LMX1A: variants seen among roughly 807,000 people sequenced by gnomAD.
LMX1A encodes the protein LIM homeobox transcription factor 1-alpha.
In LMX1A, 15 loss-of-function variants were observed where a neutral mutation model predicts 49.1. The observed-to-expected ratio is 0.31, with a 90% confidence interval of 0.20 to 0.47. The LOEUF is 0.47. LMX1A is among the 20% of genes least tolerant of loss of function. The pLI is 1.00. For missense variants in LMX1A, 372 were observed against 475.8 expected, an observed-to-expected ratio of 0.78 and a Z score of 2.03; for synonymous variants, 167 against 185.7, an observed-to-expected ratio of 0.90 and a Z score of 0.82.
chr1:165,352,879 C>T (rs1326583377), intron 3 of LMX1A, among the ~76,000 whole-genome samples, 197 bp downstream of exon 3: 1 of 152,278 alleles, frequency 6.6e-6, no homozygotes, highest in Non-Finnish European at 1.5e-5. Context: ...CGGGCCACTG[C>T]TGCGCGCACC....
At chr1:165,204,326 G>A (rs1274146261) in intron 8 of LMX1A, among the ~76,000 whole-genome samples, 1 of 152,192 alleles carries the variant, frequency 6.6e-6, no homozygotes, top group Non-Finnish European at 1.5e-5. Flanking sequence ...CCAGAGGCTG[G>A]AGAGACAGGG....
At chr1:165,342,089 G>T (rs1656094336) in intron 3 of LMX1A, among the ~76,000 whole-genome samples, 1 of 152,210 alleles carries the variant, frequency 6.6e-6, no homozygotes, top group Non-Finnish European at 1.5e-5. Context: ...TAAAATTTCA[G>T]CAATGGTGAG....
intron 4 of LMX1A, among the ~76,000 whole-genome samples, chr1:165,216,972 G>T (rs1036428264): frequency 7.2e-5 from 11 of 152,114 alleles, no homozygotes; most frequent in African/African-American, 2.7e-4. Context: ...GCACCACCCA[G>T]AAATAATTGG....
chr1:165,231,585 A>T (rs1166264988), intron 4 of LMX1A, among the ~76,000 whole-genome samples: 1 of 152,234 alleles, frequency 6.6e-6, no homozygotes, highest in East Asian at 1.9e-4. Context: ...TTATGTTCAC[A>T]ACTTTATGTT....
intron 3 of LMX1A, among the ~76,000 whole-genome samples, chr1:165,261,888 T>C (rs1210309374): frequency 6.6e-6 from 1 of 152,136 alleles, no homozygotes; most frequent in Non-Finnish European, 1.5e-5. Flanking sequence ...GAGGTACTAT[T>C]TAATGAGCAT....
At chr1:165,316,682 C>T (rs1232173933) in intron 3 of LMX1A, among the ~76,000 whole-genome samples, 1 of 152,198 alleles carries the variant, frequency 6.6e-6, no homozygotes, top group Admixed American at 6.5e-5. Context: ...TTTTCATCCA[C>T]ATCCAGGCGG....
In LMX1A at chr1:165,336,847, G is replaced by T. The variant is rs1253214827; in HGVS notation, c.263+16229C>A. On this transcript the variant is annotated intron_variant, in intron 3 of 8. Transcript: ENST00000342310. The stretch of plus-strand genomic sequence containing the variant: ...GCATTCATGGAGATTAAAATCTGAT[G>T]GGGAGAACAAACAATATATTTAAAT... 2.0e-5 allele frequency among the ~76,000 whole-genome samples: 3 copies of T among 152,146 alleles called. No individual in the cohort carries two copies. In the East Asian group the frequency reaches 5.8e-4, roughly 29 times the overall value.
chr1:165,266,413 T>C (rs952754221), intron 3 of LMX1A, among the ~76,000 whole-genome samples: 2 of 151,802 alleles, frequency 1.3e-5, no homozygotes, highest in Non-Finnish European at 2.9e-5. Context: ...GGGGCAAAGA[T>C]GGGGCAAAAG....
chr1:165,347,551 C>T (rs564349195), intron 3 of LMX1A, among the ~76,000 whole-genome samples: 67 of 152,106 alleles, frequency 4.4e-4, no homozygotes, highest in Non-Finnish European at 8.5e-4. Context: ...TCAGAAAAAT[C>T]TTCATAAAAA....
At chr1:165,295,983 A>G (rs554909702) in intron 3 of LMX1A, among the ~76,000 whole-genome samples, 28 of 152,314 alleles carry the variant, frequency 1.8e-4, no homozygotes, top group African/African-American at 6.7e-4. Context: ...TTTGGCCAGA[A>G]AAGGTTTGTT....
At chr1:165,306,209 ATG>A (rs1277547694) in intron 3 of LMX1A, among the ~76,000 whole-genome samples, 1 of 152,102 alleles carries the variant, frequency 6.6e-6, no homozygotes, top group Non-Finnish European at 1.5e-5. Context: ...GAAATTGTAG[ATG>A]TGTAACCTTG....
At chr1:165,302,932 C>T (rs1423538292) in intron 3 of LMX1A, among the ~76,000 whole-genome samples, 1 of 152,150 alleles carries the variant, frequency 6.6e-6, no homozygotes, top group Non-Finnish European at 1.5e-5. Flanking sequence ...TGAAATGATC[C>T]CCTTAGCCTA....
chr1:165,356,643 G>A lies in LMX1A; in HGVS notation c.-311C>T, dbSNP rs1656630112. 3 of 153,502 alleles carry A rather than the reference G, an allele frequency of 2.0e-5. No homozygotes were observed. The highest frequency in any genetic ancestry group is 7.2e-5 in the African/African-American group (3 of 41,508). 9.5% of individuals were successfully genotyped at this position (153,502 alleles called of 1,614,324 possible). On this transcript the variant is annotated 5_prime_UTR_variant, in exon 1 of 9. Transcript: ENST00000342310. The stretch of plus-strand genomic sequence containing the variant: ...AGGGCCAGTTGCTTCTCCAAGGCTA[G>A]GAGGGAAGGCAGAGGCCCAGGGTCC...
At position 165,205,700 on chromosome 1, in the gene LMX1A, T is replaced by C. The variant is rs143484927; in HGVS notation, c.988+164A>G. ...AATAATGAATATGCATGAAGGTCTT[T>C]CTCCTGTAGTCATTGGTTAGGCGAT... is the stretch of plus-strand genomic sequence containing the variant. On this transcript the variant is annotated intron_variant, in intron 8 of 8. Transcript: ENST00000342310. Among the ~76,000 whole-genome samples, 38 of 152,322 alleles carry C rather than the reference T, an allele frequency of 2.5e-4. No individual in the cohort carries two copies. The East Asian group carries it at 6.0e-3, about 24-fold the overall frequency.
At chr1:165,233,549 T>C (rs1426262104) in intron 4 of LMX1A, among the ~76,000 whole-genome samples, 1 of 152,228 alleles carries the variant, frequency 6.6e-6, no homozygotes, top group African/African-American at 2.4e-5. Flanking sequence ...CCCAGATCTA[T>C]GTGTTCAACT....
intron 3 of LMX1A, among the ~76,000 whole-genome samples, chr1:165,296,677 T>A (rs893341119): frequency 6.6e-6 from 1 of 152,276 alleles, no homozygotes; most frequent in Non-Finnish European, 1.5e-5. Flanking sequence ...CCTCATATAA[T>A]GGGATCTGGG....
At chr1:165,350,273 A>G (rs1391285096) in intron 3 of LMX1A, among the ~76,000 whole-genome samples, 5 of 151,986 alleles carry the variant, frequency 3.3e-5, no homozygotes, top group South Asian at 2.1e-4. Flanking sequence ...ATTGTCTACA[A>G]TTGAGTTGTA....
In LMX1A at chr1:165,295,219, A is replaced by C. The variant is rs114347030; in HGVS notation, c.264-45579T>G. ...GTTAAATGAAGAAGCAGATTATAAA[A>C]TAAGATGTAGAAGATAATCCCCACT... On this transcript the variant is annotated intron_variant, in intron 3 of 8. Transcript: ENST00000342310. Among the ~76,000 whole-genome samples the C allele has an allele frequency of 5.0e-3, 764 of 152,114 alleles. 6 individuals are homozygous for C. Among genetic ancestry groups the C allele is most frequent in the African/African-American group, 0.017 (719 of 41,540 alleles).
At chr1:165,271,063 G>A (rs1016862217) in intron 3 of LMX1A, among the ~76,000 whole-genome samples, 2 of 152,166 alleles carry the variant, frequency 1.3e-5, no homozygotes, top group African/African-American at 2.4e-5. Context: ...CCCACCCAGG[G>A]ATGAGTCCTC....
Sources: gnomAD v4.1 joint callset for allele counts (sites outside exome capture counted in the v4.1 genomes callset) on GRCh38, gnomAD v4.1.1 for gene constraint, MANE v1.5 for transcripts, NCBI Gene and HGNC (gene_info 2026-07-23, HGNC 2026-07-21) for gene names.